The following KCNJ5 variants were observed in gnomAD, a reference collection of about 807,000 sequenced individuals.
KCNJ5 encodes G protein-activated inward rectifier potassium channel 4.
KCNJ5 carries 12 observed loss-of-function variants against 20.2 expected under a neutral mutation model. That is an observed-to-expected ratio of 0.59 (90% CI 0.38 to 0.96). The LOEUF is 0.96. Among genes scored for constraint, KCNJ5 ranks in the 40% least tolerant of loss-of-function variants. The pLI is 0.00. For synonymous variants in KCNJ5, 210 were observed against 213.9 expected (o/e 0.98, Z 0.16); for missense variants, 449 against 557.6 (o/e 0.81, Z 1.96).
intron 2 of KCNJ5, among the ~76,000 whole-genome samples, chr11:128,913,237 G>GGTT (rs1435414162): frequency 6.6e-6 from 1 of 152,202 alleles, no homozygotes; most frequent in African/African-American, 2.4e-5. Flanking sequence ...TCTTGCAGAA[G>GGTT]GTTGGTTTAG....
At chr11:128,914,069 G>A (rs1019361786) in intron 2 of KCNJ5, among the ~76,000 whole-genome samples, 5 of 152,236 alleles carry the variant, frequency 3.3e-5, no homozygotes, top group Non-Finnish European at 5.9e-5. Flanking sequence ...CCCCGGGGCC[G>A]AGGACAGTCA....
chr11:128,914,694 A>G (rs1944551385), intron 2 of KCNJ5, among the ~76,000 whole-genome samples: 1 of 152,226 alleles, frequency 6.6e-6, no homozygotes, highest in East Asian at 1.9e-4. Context: ...TCAAGATGAA[A>G]AGGAGCTGTG....
intron 1 of KCNJ5, chr11:128,902,460 C>G (rs541074447): frequency 6.7e-7 from 1 of 1,498,002 alleles, no homozygotes; most frequent in African/African-American, 1.4e-5. Flanking sequence ...GAGAAGGCAG[C>G]GAGGAACCCC....
chr11:128,912,801 G>A (rs1270717154), intron 2 of KCNJ5, among the ~76,000 whole-genome samples: 1 of 152,172 alleles, frequency 6.6e-6, no homozygotes, highest in Non-Finnish European at 1.5e-5. Context: ...GAGCCACAGT[G>A]CCCAGCCAAG....
rs369291196 is a variant in KCNJ5 at position 128,921,096 on chromosome 11, G to A, written c.*4365G>A. 25 of 152,274 alleles carry A rather than the reference G, an allele frequency of 1.6e-4. No homozygotes were observed. The East Asian group carries it at 2.1e-3, about 13-fold the overall frequency. 9.4% of individuals were successfully genotyped at this position (152,274 alleles called of 1,614,324 possible). On this transcript the variant is annotated 3_prime_UTR_variant, in exon 3 of 3. Coordinates refer to ENST00000529694, the MANE Select transcript of KCNJ5 (RefSeq NM_000890.5). ...CCCTGTGTAGGATTCATCAATCTTC[G>A]TATGCAAAAGAACACCACTGCACTG...
intron 1 of KCNJ5, among the ~76,000 whole-genome samples, chr11:128,909,086 C>T (rs914911775): frequency 6.6e-6 from 1 of 152,188 alleles, no homozygotes; most frequent in African/African-American, 2.4e-5. Context: ...TGGGACAAAG[C>T]CCTTCAGATG....
At chr11:128,895,724 G>A (rs1944166019) in intron 1 of KCNJ5, among the ~76,000 whole-genome samples, 1 of 152,266 alleles carries the variant, frequency 6.6e-6, no homozygotes. Context: ...ACCACTGCCT[G>A]GGGGCGGGCA....
chr11:128,911,732 C>T lies in KCNJ5; in HGVS notation c.459C>T (p.Gly153=), dbSNP rs1470356562. The change falls in exon 2 of 3, where the codon GGC becomes GGT. Residue 153 remains glycine (G), a synonymous_variant. Transcript: ENST00000529694. The surrounding 1 kb of genome is among the most constrained non-coding windows in gnomAD (Gnocchi z 6.3). ...AGACCGAAACAACCATTGGGTATGG[C>T]TTCCGAGTCATCACAGAGAAGTGTC... ...SIETETTIGY[G]FRVITEKCPE... is the part of the protein sequence containing the mutation. The T allele has an allele frequency of 2.5e-6, 4 of 1,614,202 alleles. No homozygotes were observed. The highest frequency in any genetic ancestry group is 1.1e-5 in the South Asian group (1 of 91,076).
chr11:128,893,105 G>C (rs948365711), intron 1 of KCNJ5, among the ~76,000 whole-genome samples: 9 of 152,226 alleles, frequency 5.9e-5, no homozygotes, highest in Non-Finnish European at 1.0e-4. Context: ...CCTGGAATCT[G>C]AGGAACGAAC....
intron 2 of KCNJ5, among the ~76,000 whole-genome samples, chr11:128,914,879 A>G (rs1944554059): frequency 6.6e-6 from 1 of 152,222 alleles, no homozygotes. Flanking sequence ...GAGGCTGCAG[A>G]CGTCTGGCAT....
chr11:128,916,517 A>C lies in KCNJ5; in HGVS notation c.1046A>C (p.Asn349Thr), dbSNP rs1363621486. 1 of 1,614,160 alleles carries C rather than the reference A, an allele frequency of 6.2e-7. No homozygotes were observed. Among genetic ancestry groups the C allele is most frequent in the Non-Finnish European group, 8.5e-7 (1 of 1,180,022 alleles). Residue 349 changes from asparagine (N) to threonine (T), a missense_variant, in exon 3 of 3, where the codon AAC becomes ACC. Physicochemically the swap from Asn to Thr is moderately conservative, Grantham distance 65 (BLOSUM62 0). Coordinates refer to ENST00000529694, the MANE Select transcript of KCNJ5 (RefSeq NM_000890.5). ...AAGGGCTTCTATGAGGTGGACTACA[A>C]CACCTTCCATGATACCTATGAGACC... Reference protein sequence around the residue: ...LEKGFYEVDYNTFHDTYETNT... With the variant: ...LEKGFYEVDYTTFHDTYETNT...
chr11:128,907,577 G>A (rs975588374), intron 1 of KCNJ5, among the ~76,000 whole-genome samples: 1 of 152,206 alleles, frequency 6.6e-6, no homozygotes, highest in African/African-American at 2.4e-5. Context: ...TTTTCCAAAA[G>A]CTTTCATCAT....
rs115414355 is a variant in KCNJ5, at chr11:128,917,180, A to T, written c.*449A>T. ...TTACCTGATGAGAGCTCAAACCTCT[A>T]GTCTGGGATGAGCTCACAGAGCCCT... On this transcript the variant is annotated 3_prime_UTR_variant, in exon 3 of 3. Transcript: ENST00000529694. 819 of 164,356 alleles carry T rather than the reference A, an allele frequency of 5.0e-3. 6 individuals are homozygous for T. Among genetic ancestry groups the T allele is most frequent in the African/African-American group, 0.019 (778 of 41,724 alleles). The allele number at this position is 164,356 out of a possible 1,614,324, so 10.2% of individuals were successfully genotyped here. A position where few individuals can be genotyped will look rare whatever the true frequency, so the allele number is the denominator to read the frequency against.
At chr11:128,897,318 G>A (rs762589479) in intron 1 of KCNJ5, among the ~76,000 whole-genome samples, 9 of 151,902 alleles carry the variant, frequency 5.9e-5, no homozygotes, top group Admixed American at 4.6e-4. Flanking sequence ...GGCTGGTCTC[G>A]AACTCCTGAC....
chr11:128,904,443 C>G (rs1944356507), intron 1 of KCNJ5: 1 of 1,614,036 alleles, frequency 6.2e-7, no homozygotes, highest in African/African-American at 1.3e-5. Context: ...GTTGGAGTCA[C>G]CTGGGGCCAG....
At chr11:128,914,966 G>A (rs932579553) in intron 2 of KCNJ5, among the ~76,000 whole-genome samples, 1 of 152,248 alleles carries the variant, frequency 6.6e-6, no homozygotes, top group African/African-American at 2.4e-5. Context: ...ACTGAAGGGA[G>A]AGGCCCGGCC....
intron 1 of KCNJ5, chr11:128,902,837 G>A (rs947547716): frequency 1.7e-5 from 18 of 1,078,282 alleles, no homozygotes; most frequent in East Asian, 7.3e-5. Flanking sequence ...GCCTCTCTCC[G>A]ACTCCCTAGC....
chr11:128,916,257 G>GATGGATGGATGGATGC, intron 2 of KCNJ5, 152 bp from the exon 3 acceptor site: 1 of 670,400 alleles, frequency 1.5e-6, no homozygotes, highest in Admixed American at 2.1e-5. Flanking sequence ...TGGATGGATG[G>GATGGATGGATGGATGC]ATGGATGGAT....
intron 1 of KCNJ5, chr11:128,904,574 G>T: frequency 9.9e-7 from 1 of 1,007,418 alleles, no homozygotes; most frequent in Non-Finnish European, 1.6e-6. Flanking sequence ...CATCACTGCG[G>T]CTTCTTAGCA....
Sources: gnomAD v4.1 joint callset for allele counts (sites outside exome capture counted in the v4.1 genomes callset) on GRCh38, gnomAD v4.1.1 for gene constraint, Gnocchi (gnomAD v3.1) non-coding constraint, MANE v1.5 for transcripts, NCBI Gene and HGNC (gene_info 2026-07-23, HGNC 2026-07-21) for gene names.